Variants in DEFB107B observed in about 807,000 individuals in gnomAD.
The protein encoded by DEFB107B is defensin beta 107B, also known as beta-defensin 107.
rs1318646054 is a variant in DEFB107B, at chr8:7,506,969, C to T, written c.71-2112C>T. 4.6e-3 allele frequency among the ~76,000 whole-genome samples: 69 copies of T among 15,132 alleles called. 30 individuals carry two copies. The highest frequency in any genetic ancestry group is 7.0e-3 in the Admixed American group (10 of 1,430). The allele number at this position is 15,132 out of a possible 152,430, so 9.9% of individuals were successfully genotyped here. A position where few individuals can be genotyped will look rare whatever the true frequency, so the allele number is the denominator to read the frequency against. Reference sequence around the variant, plus strand: ...GGACGGTCATGTCTTTCCCTTCCCACGAGGCCATATTTCAGACTATCACAT... The same window carrying T: ...GGACGGTCATGTCTTTCCCTTCCCATGAGGCCATATTTCAGACTATCACAT... On this transcript the variant is annotated intron_variant, in intron 1 of 1. Transcript: ENST00000355602.
chr8:7,497,618 G>A (rs1168111028), intron 1 of DEFB107B, among the ~76,000 whole-genome samples: 28 of 151,968 alleles, frequency 1.8e-4, no homozygotes. Context: ...GCATCTTTTT[G>A]CAGATGTCAG....
chr8:7,496,508 G>T (rs1438771923), intron 1 of DEFB107B, among the ~76,000 whole-genome samples: 1 of 151,974 alleles, frequency 6.6e-6, no homozygotes, highest in Non-Finnish European at 1.5e-5. Flanking sequence ...CACCGTGTTA[G>T]CCAGGATGGT....
chr8:7,505,756 G>A (rs1257725012), intron 1 of DEFB107B, among the ~76,000 whole-genome samples: 145 of 19,460 alleles, frequency 7.5e-3, no homozygotes, highest in African/African-American at 0.013. Context: ...TAATTTTAAC[G>A]TTTCAGGATA....
At chr8:7,496,726 C>CTAAAGTTATG in intron 1 of DEFB107B, among the ~76,000 whole-genome samples, 1 of 127,536 alleles carries the variant, frequency 7.8e-6, no homozygotes, top group African/African-American at 3.0e-5. Flanking sequence ...CTAAATTAAA[C>CTAAAGTTATG]TAAAGTTATG....
intron 1 of DEFB107B, among the ~76,000 whole-genome samples, chr8:7,504,277 T>C (rs1811915992): frequency 3.8e-5 from 1 of 26,360 alleles, no homozygotes; most frequent in Non-Finnish European, 1.5e-4. Flanking sequence ...AATTGTTGTA[T>C]TGTGGTAACT....
chr8:7,496,386 G>C (rs1308201230), intron 1 of DEFB107B, among the ~76,000 whole-genome samples: 4 of 107,808 alleles, frequency 3.7e-5, no homozygotes, highest in South Asian at 3.1e-4. Context: ...TGCAAGCTCT[G>C]CCTCCCAGGT....
At chr8:7,496,422 C>A (rs1811739169) in intron 1 of DEFB107B, among the ~76,000 whole-genome samples, 1 of 147,408 alleles carries the variant, frequency 6.8e-6, no homozygotes, top group Non-Finnish European at 1.5e-5. Flanking sequence ...GCCTCAGCCT[C>A]CCGAGTAGCT....
At position 7,498,100 on chromosome 8, in the gene DEFB107B, A is replaced by G. The variant is rs1260941949; in HGVS notation, c.70+2097A>G. Among the ~76,000 whole-genome samples, 6 of 18,044 alleles carry G rather than the reference A, an allele frequency of 3.3e-4. 1 individual carries two copies. Among genetic ancestry groups the G allele is most frequent in the African/African-American group, 6.4e-4 (6 of 9,350 alleles). 11.8% of individuals were successfully genotyped at this position (18,044 alleles called of 152,430 possible). A position where few individuals can be genotyped will look rare whatever the true frequency, so the allele number is the denominator to read the frequency against. On this transcript the variant is annotated intron_variant, in intron 1 of 1. Coordinates refer to ENST00000355602, the MANE Select transcript of DEFB107B (RefSeq NM_001040705.2). ...GAGGGGGATGTGTCAGGGTCACAAG[A>G]CAATTGTGGGGAGAGGGTCAGCAGA... is the stretch of plus-strand genomic sequence containing the variant.
rs1449379704 is a variant in DEFB107B, at chr8:7,506,694, T to C, written c.71-2387T>C. 2.4e-4 allele frequency among the ~76,000 whole-genome samples: 2 copies of C among 8,200 alleles called. 1 individual carries two copies. The highest frequency in any genetic ancestry group is 6.9e-4 in the Non-Finnish European group (2 of 2,904). The allele number at this position is 8,200 out of a possible 152,430, so 5.4% of individuals were successfully genotyped here. On this transcript the variant is annotated intron_variant, in intron 1 of 1. Transcript: ENST00000355602. ...AAGGATTAAGTGCTGTGCTTTTAGA[T>C]ATGCATACACATAAACATCTCAGTG...
intron 1 of DEFB107B, among the ~76,000 whole-genome samples, chr8:7,508,242 C>T (rs541189454): frequency 7.1e-6 from 1 of 141,636 alleles, no homozygotes; most frequent in East Asian, 2.1e-4. Context: ...CCTGCAATTT[C>T]TTTCCATTAG....
chr8:7,496,481 T>C (rs1428044286), intron 1 of DEFB107B, among the ~76,000 whole-genome samples: 8 of 152,026 alleles, frequency 5.3e-5, no homozygotes, highest in Admixed American at 1.3e-4. Context: ...TTTGTATTTT[T>C]AGTAGAGACG....
intron 1 of DEFB107B, among the ~76,000 whole-genome samples, 185 bp downstream of exon 1, chr8:7,496,188 T>G (rs1811721875): frequency 1.1e-5 from 1 of 93,826 alleles, no homozygotes. Flanking sequence ...CCATAATAGT[T>G]TCTAGTCAAC....
intron 1 of DEFB107B, among the ~76,000 whole-genome samples, chr8:7,499,941 C>CT (rs1186343409): frequency 7.7e-6 from 1 of 130,398 alleles, no homozygotes; most frequent in Non-Finnish European, 1.5e-5. Flanking sequence ...GGTAGAGATT[C>CT]TTTTTTCTCC....
At chr8:7,497,425 G>A (rs1811795862) in intron 1 of DEFB107B, among the ~76,000 whole-genome samples, 1 of 151,704 alleles carries the variant, frequency 6.6e-6, no homozygotes, top group African/African-American at 2.4e-5. Flanking sequence ...TCATAGATGT[G>A]GAAACTTGGT....
chr8:7,507,878 G>A (rs1811977367), intron 1 of DEFB107B, among the ~76,000 whole-genome samples: 2 of 146,524 alleles, frequency 1.4e-5, no homozygotes, highest in South Asian at 4.2e-4. Context: ...AAACCCAGAG[G>A]TTCTATGACT....
At chr8:7,497,291 A>G (rs1357335004) in intron 1 of DEFB107B, among the ~76,000 whole-genome samples, 1 of 152,242 alleles carries the variant, frequency 6.6e-6, no homozygotes, top group African/African-American at 2.4e-5. Context: ...GTAGTGGTAA[A>G]TAAGCTTTCA....
chr8:7,508,079 A>ATGTGTG (rs200848932), intron 1 of DEFB107B, among the ~76,000 whole-genome samples: 7,383 of 26,232 alleles, frequency 0.28, 232 homozygotes, highest in Non-Finnish European at 0.43. Flanking sequence ...ATATATATAT[A>ATGTGTG]TATATGTGTG....
intron 1 of DEFB107B, among the ~76,000 whole-genome samples, chr8:7,496,407 C>T (rs1432717508): frequency 7.6e-6 from 1 of 131,948 alleles, no homozygotes; most frequent in Admixed American, 8.9e-5. Context: ...TCATGCCATT[C>T]TCCTGCCTCA....
At position 7,503,278 on chromosome 8, in the gene DEFB107B, G is replaced by T. The variant is rs1235821838; in HGVS notation, c.71-5803G>T. Among the ~76,000 whole-genome samples the T allele has an allele frequency of 1.0e-4, 2 of 19,308 alleles. 1 individual carries two copies. The highest frequency in any genetic ancestry group is 2.0e-4 in the African/African-American group (2 of 10,176). 12.7% of individuals were successfully genotyped at this position (19,308 alleles called of 152,430 possible). Reference sequence around the variant, plus strand: ...AGGAGAATTCCAAGGTGAGAACGAAGGCTCAATATGACCCTTTTCTAACTG... The same window carrying T: ...AGGAGAATTCCAAGGTGAGAACGAATGCTCAATATGACCCTTTTCTAACTG... On this transcript the variant is annotated intron_variant, in intron 1 of 1. Coordinates refer to ENST00000355602, the MANE Select transcript of DEFB107B (RefSeq NM_001040705.2).
Sources: gnomAD v4.1 joint callset for allele counts (sites outside exome capture counted in the v4.1 genomes callset) on GRCh38, gnomAD v4.1.1 for gene constraint, MANE v1.5 for transcripts, NCBI Gene and HGNC (gene_info 2026-07-23, HGNC 2026-07-21) for gene names.